Variants in PROM2 observed in about 807,000 individuals in gnomAD.
PROM2 encodes prominin 2, also known as prominin-2.
In PROM2, 90 loss-of-function variants were observed where a neutral mutation model predicts 110.2. The observed-to-expected ratio is 0.82, with a 90% CI of 0.69 to 0.97. The LOEUF is 0.97. PROM2 is among the 50% of genes least tolerant of loss of function. The pLI, the probability that PROM2 is intolerant of heterozygous loss-of-function variation, is 0.00. For synonymous variants in PROM2, 470 were observed against 467.8 expected (o/e 1.00, Z -0.06); for missense variants, 1,009 against 1,074.8 (o/e 0.94, Z 0.86).
rs142421342 is a variant in PROM2 at position 95,281,294 on chromosome 2, G to C, written c.1480G>C (p.Ala494Pro). Residue 494 changes from alanine to proline, a missense_variant, in exon 12 of 24, where the codon GCC becomes CCC. Physicochemically the swap from Ala to Pro is conservative, Grantham distance 27. Transcript: ENST00000317620. ...TGCACCCCTCATCCTCCTGGTGTTC[G>C]CCACCTTCCTGGTGGGTGGCAACGT... Reference protein sequence around the residue: ...FAAPLILLVFATFLVGGNVQT... With the variant: ...FAAPLILLVFPTFLVGGNVQT... 1 of 1,613,414 alleles carries C rather than the reference G, an allele frequency of 6.2e-7. No individual in the cohort carries two copies. Among genetic ancestry groups the C allele is most frequent in the Non-Finnish European group, 8.5e-7 (1 of 1,180,002 alleles).
chr2:95,288,860 T>C, intron 22 of PROM2, 73 bp from the exon 23 acceptor site: 1 of 1,455,020 alleles, frequency 6.9e-7, no homozygotes, highest in Non-Finnish European at 9.7e-7. Flanking sequence ...CTCAGGGCTC[T>C]GGGTTTGTCC....
chr2:95,277,802 C>A, intron 7 of PROM2, 128 bp from the exon 8 acceptor site: 1 of 856,980 alleles, frequency 1.2e-6, no homozygotes, highest in Non-Finnish European at 1.9e-6. Flanking sequence ...CAGTAAGAGC[C>A]ATGGCAGTCC....
At chr2:95,277,798 G>A (rs1458105002) in intron 7 of PROM2, 132 bp from the exon 8 acceptor site, 11 of 841,606 alleles carry the variant, frequency 1.3e-5, no homozygotes, top group Non-Finnish European at 1.7e-5. Context: ...GGGGCAGTAA[G>A]AGCCATGGCA....
Position 95,276,889 on chromosome 2 carries a change from G to T in PROM2, c.683-83G>T. On this transcript the variant is annotated intron_variant, in intron 5 of 23. Coordinates refer to ENST00000317620, the MANE Select transcript of PROM2 (RefSeq NM_001165978.3). The surrounding 1 kb of genome is among the most constrained non-coding windows in gnomAD (Gnocchi z 4.6). ...CCCCCCGGCTCCTGCAGAGCCCGGT[G>T]GGGCCTGGGGAGGCAGGATGGGAAT... 2.8e-6 allele frequency: 4 copies of T among 1,427,648 alleles called. No individual in the cohort carries two copies. Among genetic ancestry groups the T allele is most frequent in the Non-Finnish European group, 3.9e-6 (4 of 1,037,210 alleles). 88.4% of individuals were successfully genotyped at this position (1,427,648 alleles called of 1,614,324 possible).
At chr2:95,289,043 A>C in intron 23 of PROM2, 37 bp downstream of exon 23, 11 of 865,982 alleles carry the variant, frequency 1.3e-5, no homozygotes, top group Non-Finnish European at 2.0e-5. Flanking sequence ...GCTCCCTGCC[A>C]GGGATTAAGG....
At chr2:95,286,592 A>G (rs1677370428) in intron 17 of PROM2, 21 bp downstream of exon 17, 11 of 1,602,134 alleles carry the variant, frequency 6.9e-6, no homozygotes, top group Non-Finnish European at 8.5e-6. Context: ...AGGCCCGGGG[A>G]GCCTGGGGCC....
At position 95,279,148 on chromosome 2, in the gene PROM2, C is replaced by T; in HGVS notation, c.1274+4C>T. The T allele has an allele frequency of 2.0e-6, 1 of 503,796 alleles. No individual in the cohort carries two copies. The highest frequency in any genetic ancestry group is 2.8e-6 in the Non-Finnish European group (1 of 351,386). 31.2% of individuals were successfully genotyped at this position (503,796 alleles called of 1,614,324 possible). The stretch of plus-strand genomic sequence containing the variant: ...TGCAGAGATACGAGACCTACAGGTG[C>T]TGGGCACCGCAGGGTGGGATGGGGT... On this transcript the variant is annotated splice_donor_region_variant and intron_variant, in intron 10 of 23. Coordinates refer to ENST00000317620, the MANE Select transcript of PROM2 (RefSeq NM_001165978.3).
At position 95,276,751 on chromosome 2, in the gene PROM2, A is replaced by T; in HGVS notation, c.682+94A>T. ...GGCCTCTCACTCCCTCATTCTGGAC[A>T]CCCCCGGGAACAGGCTGGTAGAGGT... On this transcript the variant is annotated intron_variant, in intron 5 of 23. Coordinates refer to ENST00000317620, the MANE Select transcript of PROM2 (RefSeq NM_001165978.3). The surrounding 1 kb of genome is among the most constrained non-coding windows in gnomAD (Gnocchi z 4.6). 1 of 1,383,640 alleles carries T rather than the reference A, an allele frequency of 7.2e-7. No homozygotes were observed. Among genetic ancestry groups the T allele is most frequent in the South Asian group, 1.2e-5 (1 of 83,266 alleles). The allele number at this position is 1,383,640 out of a possible 1,614,324, so 85.7% of individuals were successfully genotyped here. A position where few individuals can be genotyped will look rare whatever the true frequency, so the allele number is the denominator to read the frequency against.
At chr2:95,284,189 T>G (rs557411794) in intron 14 of PROM2, among the ~76,000 whole-genome samples, 2 of 152,296 alleles carry the variant, frequency 1.3e-5, no homozygotes, top group Admixed American at 1.3e-4. Context: ...TCTGTTCTTG[T>G]GTTGCTATAA....
Position 95,278,996 on chromosome 2 carries a change from G to T in PROM2, c.1126G>T (p.Ala376Ser), listed in dbSNP as rs1239409281. The T allele has an allele frequency of 1.9e-6, 3 of 1,605,856 alleles. No homozygotes were observed. The Admixed American group carries it at 5.1e-5, about 27-fold the overall frequency. Residue 376 changes from alanine (A) to serine (S), a missense_variant, in exon 10 of 24, where the codon GCA (alanine) becomes TCA (serine). Physicochemically the swap from Ala to Ser is moderately conservative, Grantham distance 99. Coordinates refer to ENST00000317620, the MANE Select transcript of PROM2 (RefSeq NM_001165978.3). ...GTTACTTTGGGCAGAGCTGAAGAAGGCAGTGGCCCAGCAGCCGGAAGGGGT... is the reference window on the plus strand; with the variant it reads ...GTTACTTTGGGCAGAGCTGAAGAAGTCAGTGGCCCAGCAGCCGGAAGGGGT... ...TSSVVQELKK[A>S]VAQQPEGVRT...
chr2:95,288,294 C>T lies in PROM2; in HGVS notation c.2328C>T (p.Asp776=), dbSNP rs142544816. Residue 776 remains aspartate (D), a synonymous_variant, in exon 21 of 24, where the codon GAC becomes GAT. Coordinates refer to ENST00000317620, the MANE Select transcript of PROM2 (RefSeq NM_001165978.3). ...TGATCCTGTGTGACATGATGGCTGA[C>T]CCCTGGGTGAGTGCCCCAGCTCATC... ...SRVILCDMMA[D]PWNAFWFCLA... 2.5e-5 allele frequency: 41 copies of T among 1,613,888 alleles called. No individual in the cohort carries two copies. The highest frequency in any genetic ancestry group is 2.8e-5 in the Non-Finnish European group (33 of 1,179,996).
At chr2:95,286,420 G>C in intron 16 of PROM2, 59 bp from the exon 17 acceptor site, 1 of 1,457,012 alleles carries the variant, frequency 6.9e-7, no homozygotes, top group Non-Finnish European at 9.6e-7. Flanking sequence ...AGACTGAAAG[G>C]CTGGGTGACG....
At chr2:95,284,254 G>A (rs1470784658) in intron 14 of PROM2, among the ~76,000 whole-genome samples, 1 of 152,212 alleles carries the variant, frequency 6.6e-6, no homozygotes, top group Non-Finnish European at 1.5e-5. Context: ...CAGTACTTTG[G>A]GAAGCTGAGG....
intron 22 of PROM2, 39 bp downstream of exon 22, chr2:95,288,628 A>G: frequency 6.4e-7 from 1 of 1,562,526 alleles, no homozygotes; most frequent in Non-Finnish European, 8.8e-7. Flanking sequence ...ATCAGGGGCC[A>G]GGGAGGTGTC....
At chr2:95,283,871 G>A (rs1677191623) in intron 14 of PROM2, among the ~76,000 whole-genome samples, 1 of 152,194 alleles carries the variant, frequency 6.6e-6, no homozygotes, top group African/African-American at 2.4e-5. Flanking sequence ...AGATGCTGGG[G>A]GTTTGGGGCT....
rs2104132221 is a variant in PROM2 at position 95,284,958 on chromosome 2, T to C, written c.1729-11T>C. The C allele has an allele frequency of 6.2e-7, 1 of 1,608,010 alleles. No homozygotes were observed. Among genetic ancestry groups the C allele is most frequent in the Non-Finnish European group, 8.5e-7 (1 of 1,176,918 alleles). On this transcript the variant is annotated splice_polypyrimidine_tract_variant and intron_variant, in intron 14 of 23. Coordinates refer to ENST00000317620, the MANE Select transcript of PROM2 (RefSeq NM_001165978.3). ...CTGGGCATGACTCCCACCCTGCGCC[T>C]GCTCTCCCAGTATACCAACAAGCTA...
intron 23 of PROM2, 31 bp from the exon 24 acceptor site, chr2:95,289,193 C>A: frequency 1.7e-6 from 1 of 602,372 alleles, no homozygotes; most frequent in East Asian, 2.8e-5. Context: ...CCTCCCTCCC[C>A]TTCACCCGTT....
rs763485519 is a variant in PROM2 at position 95,279,973 on chromosome 2, A to C, written c.1403A>C (p.Glu468Ala). 6 of 1,478,118 alleles carry C rather than the reference A, an allele frequency of 4.1e-6. No individual in the cohort carries two copies. The highest frequency in any genetic ancestry group is 5.4e-6 in the Non-Finnish European group (6 of 1,110,442). The allele number at this position is 1,478,118 out of a possible 1,614,324, so 91.6% of individuals were successfully genotyped here. ...CCCAGCCACCCAGAAGCCAAGGGCG[A>C]GGCTGGAGCCCGCTTCCTCATGGCG... ...DDPSHPEAKG[E>A]AGARFLMAGV... The change falls in exon 11 of 24, where the codon GAG becomes GCG. Residue 468 changes from glutamate (E) to alanine (A), a missense_variant. Physicochemically the swap from Glu to Ala is moderately radical, Grantham distance 107. Transcript: ENST00000317620.
At position 95,281,986 on chromosome 2, in the gene PROM2, G is replaced by A; in HGVS notation, c.1613G>A (p.Arg538Lys). Residue 538 changes from arginine to lysine, a missense_variant, in exon 13 of 24, where the codon AGG (arginine) becomes AAG (lysine). By Grantham distance (26) the Arg-to-Lys change is conservative (BLOSUM62 2). Transcript: ENST00000317620. Reference sequence around the variant, plus strand: ...AACCTGTCGCAACTTCTTGGCCTGAGGAAGAACATCAGCATCCACCAAGCC... The same window carrying A: ...AACCTGTCGCAACTTCTTGGCCTGAAGAAGAACATCAGCATCCACCAAGCC... Reference protein sequence around the residue: ...SMNLSQLLGLRKNISIHQAYQ... With the variant: ...SMNLSQLLGLKKNISIHQAYQ... 6.2e-7 allele frequency: 1 copy of A among 1,614,116 alleles called. No individual in the cohort carries two copies. The highest frequency in any genetic ancestry group is 8.5e-7 in the Non-Finnish European group (1 of 1,180,000).
Sources: gnomAD v4.1 joint callset for allele counts (sites outside exome capture counted in the v4.1 genomes callset) on GRCh38, gnomAD v4.1.1 for gene constraint, Gnocchi (gnomAD v3.1) non-coding constraint, MANE v1.5 for transcripts, NCBI Gene and HGNC (gene_info 2026-07-23, HGNC 2026-07-21) for gene names.